Variants in RAP1GAP2 observed in about 807,000 individuals in gnomAD.
RAP1GAP2 encodes the protein rap1 GTPase-activating protein 2.
In RAP1GAP2, 27 loss-of-function variants were observed where a neutral mutation model predicts 95.0. The observed-to-expected ratio is 0.28, with a 90% CI of 0.21 to 0.39. RAP1GAP2 has a LOEUF of 0.39. Among genes scored for constraint, RAP1GAP2 ranks in the 10% least tolerant of loss-of-function variants. The probability of loss-of-function intolerance (pLI) is 1.00; values close to 1 mark genes in which losing one functional copy is unlikely to be tolerated. For synonymous variants in RAP1GAP2, 373 were observed against 380.9 expected (o/e 0.98, Z 0.24); for missense variants, 771 against 970.0 (o/e 0.79, Z 2.72).
chr17:3,026,076 C>T lies in RAP1GAP2; in HGVS notation c.1820C>T (p.Thr607Ile). The T allele has an allele frequency of 1.2e-6, 2 of 1,613,660 alleles. No homozygotes were observed. The highest frequency in any genetic ancestry group is 1.7e-6 in the Non-Finnish European group (2 of 1,179,624). The change falls in exon 20 of 25, where the codon ACC becomes ATC. Residue 607 changes from threonine (T) to isoleucine (I), a missense_variant. Thr to Ile is a moderately conservative substitution (Grantham distance 89, BLOSUM62 -1). Coordinates refer to ENST00000254695, the MANE Select transcript of RAP1GAP2 (RefSeq NM_015085.5). The part of the protein sequence containing the change: ...GHSSQEIKSE[T>I]SSNPSSPEIC... ...TCCTCTCAGGAGATAAAGTCTGAGACCTCATCCAATCCCAGCTCTCCGGAA... is the reference window on the plus strand; with the variant it reads ...TCCTCTCAGGAGATAAAGTCTGAGATCTCATCCAATCCCAGCTCTCCGGAA...
At chr17:2,955,603 T>C (rs1164501703) in intron 3 of RAP1GAP2, among the ~76,000 whole-genome samples, 3 of 152,220 alleles carry the variant, frequency 2.0e-5, no homozygotes, top group African/African-American at 7.2e-5. Flanking sequence ...GTATGAGGAA[T>C]TCGTATTAAC....
intron 12 of RAP1GAP2, among the ~76,000 whole-genome samples, chr17:2,992,942 G>A (rs35968840): frequency 0.13 from 19,979 of 151,992 alleles, 1,628 homozygotes; most frequent in East Asian, 0.23. Flanking sequence ...TGGGCTCAGT[G>A]GCTCACGCCT....
intron 2 of RAP1GAP2, among the ~76,000 whole-genome samples, chr17:2,865,336 G>A (rs1021945929): frequency 6.6e-6 from 1 of 152,124 alleles, no homozygotes; most frequent in Non-Finnish European, 1.5e-5. Context: ...GGATCAGATG[G>A]GTCTCTGGAA....
chr17:2,764,243 C>T (rs564255938), intron 1 of RAP1GAP2, among the ~76,000 whole-genome samples: 146 of 149,664 alleles, frequency 9.8e-4, no homozygotes, highest in African/African-American at 3.4e-3. Flanking sequence ...ACCAGCCTGG[C>T]CAACATGGTG....
chr17:2,875,604 T>C (rs9898939), intron 2 of RAP1GAP2, among the ~76,000 whole-genome samples: 36,038 of 152,094 alleles, frequency 0.24, 4,688 homozygotes, highest in African/African-American at 0.34. Flanking sequence ...GCTGTTGCTT[T>C]TCAGTGCCTC....
Position 3,032,396 on chromosome 17 carries a change from T to G in RAP1GAP2, c.2185-15T>G, listed in dbSNP as rs1471898829. On this transcript the variant is annotated splice_polypyrimidine_tract_variant and intron_variant, in intron 23 of 24. Transcript: ENST00000254695. ...CTGGTTATTTAAACTCCTGTATGGA[T>G]TTTTGTTGAAACAGGGTCACTAATG... 1 of 1,613,862 alleles carries G rather than the reference T, an allele frequency of 6.2e-7. No individual in the cohort carries two copies. Among genetic ancestry groups the G allele is most frequent in the Admixed American group, 1.7e-5 (1 of 60,024 alleles).
rs530601883 is a variant in RAP1GAP2, at chr17:2,761,296, T to C, written c.50+5529T>C. Reference sequence around the variant, plus strand: ...CTCTTTTTGGTCTTTTTTCTTTTTTTTTTTTTTTTGAGACGGAGTTTCACT... The same window carrying C: ...CTCTTTTTGGTCTTTTTTCTTTTTTCTTTTTTTTTGAGACGGAGTTTCACT... On this transcript the variant is annotated intron_variant, in intron 1 of 25. Transcript: ENST00000637138. Among the ~76,000 whole-genome samples, 533 of 136,260 alleles carry C rather than the reference T, an allele frequency of 3.9e-3. 2 individuals are homozygous for C. The highest frequency in any genetic ancestry group is 0.014 in the African/African-American group (499 of 36,722). The allele number at this position is 136,260 out of a possible 152,430, so 89.4% of individuals were successfully genotyped here. A position where few individuals can be genotyped will look rare whatever the true frequency, so the allele number is the denominator to read the frequency against.
intron 4 of RAP1GAP2, among the ~76,000 whole-genome samples, chr17:2,961,959 A>G (rs902752712): frequency 1.4e-5 from 2 of 146,494 alleles, no homozygotes; most frequent in Non-Finnish European, 3.0e-5. Flanking sequence ...CTGAAGTGCA[A>G]TGGCGCGATC....
At chr17:2,977,564 G>A (rs753965130) in intron 8 of RAP1GAP2, among the ~76,000 whole-genome samples, 3 of 151,832 alleles carry the variant, frequency 2.0e-5, no homozygotes, top group Non-Finnish European at 2.9e-5. Context: ...GGCCAACATG[G>A]TGAAACCTCG....
intron 17 of RAP1GAP2, among the ~76,000 whole-genome samples, chr17:3,011,237 C>G (rs944900968): frequency 6.6e-6 from 1 of 151,962 alleles, no homozygotes; most frequent in Non-Finnish European, 1.5e-5. Context: ...CATTTGTGAC[C>G]AGCTTTTTTC....
chr17:2,947,938 G>A (rs1022740830), intron 3 of RAP1GAP2, among the ~76,000 whole-genome samples: 14 of 151,868 alleles, frequency 9.2e-5, no homozygotes, highest in Non-Finnish European at 1.5e-4. Flanking sequence ...ATCTCCCCCC[G>A]ATTTTCCTGG....
At chr17:2,822,617 GTTTTTTTTTGTTTTT>G (rs2070353115) in intron 2 of RAP1GAP2, among the ~76,000 whole-genome samples, 2 of 117,744 alleles carry the variant, frequency 1.7e-5, no homozygotes, top group Non-Finnish European at 3.4e-5. Context: ...ATAAAACCCT[GTTTTTTTTTGTTTTT>G]TTTTTTTTTT....
chr17:2,849,078 T>C (rs545677717), intron 2 of RAP1GAP2, among the ~76,000 whole-genome samples: 1 of 152,122 alleles, frequency 6.6e-6, no homozygotes, highest in Non-Finnish European at 1.5e-5. Context: ...TGTGTATGTG[T>C]GTACCCTCAA....
intron 3 of RAP1GAP2, among the ~76,000 whole-genome samples, chr17:2,925,007 G>T (rs191763532): frequency 1.1e-4 from 17 of 152,342 alleles, no homozygotes; most frequent in Admixed American, 1.1e-3. Flanking sequence ...ACCTCAGGCC[G>T]CTGTGGATTC....
intron 3 of RAP1GAP2, among the ~76,000 whole-genome samples, chr17:2,950,730 C>T (rs983368986): frequency 8.6e-5 from 13 of 151,036 alleles, no homozygotes; most frequent in Admixed American, 5.3e-4. Context: ...CCTGCCTCAG[C>T]CTCCCAAATA....
chr17:2,853,110 C>T (rs1460077818), intron 2 of RAP1GAP2, among the ~76,000 whole-genome samples: 1 of 152,046 alleles, frequency 6.6e-6, no homozygotes, highest in East Asian at 1.9e-4. Flanking sequence ...CCAGTGTTCG[C>T]GGGGAGCCGA....
chr17:2,916,052 T>C (rs2042557482), intron 3 of RAP1GAP2, among the ~76,000 whole-genome samples: 1 of 152,160 alleles, frequency 6.6e-6, no homozygotes, highest in South Asian at 2.1e-4. Flanking sequence ...TTTAATTTAA[T>C]TATGTATGGC....
Position 2,797,580 on chromosome 17 carries a change from A to T in RAP1GAP2, c.44+1009A>T. 2.1e-6 allele frequency: 1 copy of T among 483,554 alleles called. No individual in the cohort carries two copies. Among genetic ancestry groups the T allele is most frequent in the Non-Finnish European group, 2.7e-6 (1 of 371,786 alleles). 30.0% of individuals were successfully genotyped at this position (483,554 alleles called of 1,614,324 possible). A position where few individuals can be genotyped will look rare whatever the true frequency, so the allele number is the denominator to read the frequency against. ...GGGGAGAGGGGCTGTGTTCCTCGGT[A>T]ATTTTTCGCTTCCGTGTGTGTGGCT... On this transcript the variant is annotated intron_variant, in intron 1 of 24. Transcript: ENST00000254695. The surrounding 1 kb of genome is among the most constrained non-coding windows in gnomAD (Gnocchi z 5.6).
intron 7 of RAP1GAP2, chr17:2,964,554 G>C (rs2044504153): frequency 6.3e-6 from 1 of 159,972 alleles, no homozygotes; most frequent in African/African-American, 2.4e-5. Flanking sequence ...GAGGCCCAGT[G>C]CCATGAGTCC....
Sources: gnomAD v4.1 joint callset for allele counts (sites outside exome capture counted in the v4.1 genomes callset) on GRCh38, gnomAD v4.1.1 for gene constraint, Gnocchi (gnomAD v3.1) non-coding constraint, MANE v1.5 for transcripts, NCBI Gene and HGNC (gene_info 2026-07-23, HGNC 2026-07-21) for gene names.